Variants in MEGF10 observed in about 807,000 individuals in gnomAD.
The protein encoded by MEGF10 is multiple epidermal growth factor-like domains protein 10.
MEGF10 carries 86 observed loss-of-function variants against 147.5 expected under a neutral mutation model. That is an observed-to-expected ratio of 0.58 (90% CI 0.49 to 0.70). MEGF10 has a LOEUF of 0.70. MEGF10 is among the 30% of genes least tolerant of loss of function. MEGF10 has a pLI of 0.00. For missense variants in MEGF10, 1,329 were observed against 1,487.3 expected (o/e 0.89, Z 1.75); for synonymous variants, 478 against 525.5 (o/e 0.91, Z 1.24).
intron 5 of MEGF10, among the ~76,000 whole-genome samples, chr5:127,395,112 G>A (rs1304151561): frequency 6.6e-6 from 1 of 152,084 alleles, no homozygotes; most frequent in Non-Finnish European, 1.5e-5. Flanking sequence ...TGAGCTCTAG[G>A]CAGGGTGCTT....
At chr5:127,239,664 A>G in the MEGF10 span, among the ~76,000 whole-genome samples, 1 of 151,966 alleles carries the variant, frequency 6.6e-6, no homozygotes, top group Non-Finnish European at 1.5e-5. Context: ...AAGATTGGGA[A>G]TATAGATCAG....
the MEGF10 span, among the ~76,000 whole-genome samples, chr5:127,273,779 G>A: frequency 6.6e-6 from 1 of 152,122 alleles, no homozygotes; most frequent in Admixed American, 6.5e-5. Context: ...ACTATATTTG[G>A]AAGGCCAAAG....
At chr5:127,301,333 A>G (rs760407881) in intron 1 of MEGF10, among the ~76,000 whole-genome samples, 5 of 152,204 alleles carry the variant, frequency 3.3e-5, no homozygotes, top group Non-Finnish European at 5.9e-5. Flanking sequence ...CTGATAGAAC[A>G]TTCCAGCTTG....
At chr5:127,259,497 A>G in the MEGF10 span, among the ~76,000 whole-genome samples, 56 of 152,250 alleles carry the variant, frequency 3.7e-4, no homozygotes, top group East Asian at 9.1e-3. Flanking sequence ...GCTGTGACCT[A>G]GAAACTATCT....
At chr5:127,316,233 A>G (rs1760542907) in intron 1 of MEGF10, among the ~76,000 whole-genome samples, 1 of 152,140 alleles carries the variant, frequency 6.6e-6, no homozygotes, top group African/African-American at 2.4e-5. Context: ...TGCTGCTGTC[A>G]AATGTTTGCT....
intron 22 of MEGF10, among the ~76,000 whole-genome samples, chr5:127,453,282 C>A (rs1302452650): frequency 3.3e-5 from 5 of 152,208 alleles, no homozygotes; most frequent in Non-Finnish European, 1.5e-5. Context: ...GTCTTGAACT[C>A]CTGGGCTCAA....
In MEGF10 at chr5:127,454,548, T is replaced by A. The variant is rs762653645; in HGVS notation, c.2981-18T>A. 7 of 1,602,138 alleles carry A rather than the reference T, an allele frequency of 4.4e-6. No individual in the cohort carries two copies. The highest frequency in any genetic ancestry group is 5.9e-6 in the Non-Finnish European group (7 of 1,176,738). On this transcript the variant is annotated intron_variant, in intron 22 of 24. Transcript: ENST00000503335. ...CTTTCAGTTCTCACTGGGTGTTTTT[T>A]TTCTTCCTTTATTACAGGTGCTTTT... is the stretch of plus-strand genomic sequence containing the variant.
intron 5 of MEGF10, among the ~76,000 whole-genome samples, chr5:127,370,810 T>A (rs905937038): frequency 6.6e-6 from 1 of 152,190 alleles, no homozygotes. Context: ...ATACTTCTTT[T>A]TTCGCCTTGA....
chr5:127,277,327 G>C, the MEGF10 span, among the ~76,000 whole-genome samples: 1 of 152,192 alleles, frequency 6.6e-6, no homozygotes, highest in Admixed American at 6.5e-5. Flanking sequence ...GGGAGTATAG[G>C]AGTTGGGTGC....
chr5:127,335,885 T>A (rs931978114), intron 2 of MEGF10, among the ~76,000 whole-genome samples: 1 of 151,580 alleles, frequency 6.6e-6, no homozygotes, highest in African/African-American at 2.4e-5. Context: ...ATAGTGTGAT[T>A]ATAATACCTT....
chr5:127,337,869 C>T (rs1761527407), intron 2 of MEGF10, among the ~76,000 whole-genome samples: 1 of 152,118 alleles, frequency 6.6e-6, no homozygotes, highest in Non-Finnish European at 1.5e-5. Context: ...TAATCCAGTG[C>T]TCTTTTCAAC....
At chr5:127,278,180 C>T in the MEGF10 span, among the ~76,000 whole-genome samples, 1 of 151,910 alleles carries the variant, frequency 6.6e-6, no homozygotes, top group Non-Finnish European at 1.5e-5. Context: ...ACAAAGGTAA[C>T]ACAGAAGGAG....
chr5:127,284,460 C>T, the MEGF10 span, among the ~76,000 whole-genome samples: 2 of 151,940 alleles, frequency 1.3e-5, no homozygotes, highest in South Asian at 2.1e-4. Flanking sequence ...TGAGGAACCA[C>T]AGTAAGCAAT....
In MEGF10 at chr5:127,457,365, TGTTTGGTTCTTCTCCATCCTC is replaced by T. The variant is rs1561659508; in HGVS notation, c.*48_*68del. The T allele has an allele frequency of 6.4e-7, 1 of 1,568,170 alleles. No homozygotes were observed. The highest frequency in any genetic ancestry group is 2.3e-5 in the East Asian group (1 of 44,366). On this transcript the variant is annotated 3_prime_UTR_variant, in exon 25 of 25. Transcript: ENST00000503335. Reference sequence around the variant, plus strand: ...CCACTGGAACCCTTTCCAGAACTGCTGTTTGGTTCTTCTCCATCCTCAATTTTGCCACTTTCATGTGAATGT... The same window carrying T: ...CCACTGGAACCCTTTCCAGAACTGCTAATTTTGCCACTTTCATGTGAATGT...
chr5:127,369,609 CACTG>C (rs1324472401), intron 4 of MEGF10, among the ~76,000 whole-genome samples: 6 of 152,162 alleles, frequency 3.9e-5, no homozygotes, highest in African/African-American at 1.4e-4. Flanking sequence ...ATTTGATACT[CACTG>C]ATAATTTTTT....
chr5:127,256,509 C>G, the MEGF10 span, among the ~76,000 whole-genome samples: 1 of 152,174 alleles, frequency 6.6e-6, no homozygotes, highest in South Asian at 2.1e-4. Context: ...AATTTTCCTT[C>G]GACTGACCAC....
the MEGF10 span, among the ~76,000 whole-genome samples, chr5:127,261,163 G>A: frequency 6.6e-6 from 1 of 152,036 alleles, no homozygotes; most frequent in Admixed American, 6.6e-5. Flanking sequence ...TATTCACAGA[G>A]TTGTGAATTC....
chr5:127,305,879 T>C (rs74384711), intron 1 of MEGF10, among the ~76,000 whole-genome samples: 2,250 of 152,324 alleles, frequency 0.015, 66 homozygotes, highest in East Asian at 0.11. Flanking sequence ...GTTGAAGATA[T>C]TGAATTATAC....
chr5:127,381,851 A>G (rs1340498666), intron 5 of MEGF10, among the ~76,000 whole-genome samples: 1 of 152,062 alleles, frequency 6.6e-6, no homozygotes, highest in Non-Finnish European at 1.5e-5. Flanking sequence ...TTGTATTTTT[A>G]GTAGAGGTGG....
Sources: gnomAD v4.1 joint callset for allele counts (sites outside exome capture counted in the v4.1 genomes callset) on GRCh38, gnomAD v4.1.1 for gene constraint, MANE v1.5 for transcripts, NCBI Gene and HGNC (gene_info 2026-07-23, HGNC 2026-07-21) for gene names.